Variants in GRTP1 observed in about 807,000 individuals in gnomAD.
The protein encoded by GRTP1 is growth hormone regulated TBC protein 1, also known as growth hormone-regulated TBC protein 1.
In GRTP1, 56 loss-of-function variants were observed where a neutral mutation model predicts 38.1. That is an observed-to-expected ratio of 1.47 (90% CI 1.19 to 1.84). GRTP1 has a LOEUF of 1.84. Among genes scored for constraint, GRTP1 ranks in the 40% most tolerant of loss-of-function variants. GRTP1 has a pLI of 0.00. For synonymous variants in GRTP1, 217 were observed against 189.5 expected (o/e 1.14, Z -1.19); for missense variants, 506 against 453.9 (o/e 1.11, Z -1.04).
At chr13:113,346,622 G>A (rs865912562) in intron 4 of GRTP1, among the ~76,000 whole-genome samples, 461 of 2,592 alleles carry the variant, frequency 0.18, 162 homozygotes, top group African/African-American at 0.21. Flanking sequence ...CAGTGGACCC[G>A]GGAGGACCTC....
At chr13:113,347,429 G>C (rs1453106013) in intron 4 of GRTP1, among the ~76,000 whole-genome samples, 2 of 103,040 alleles carry the variant, frequency 1.9e-5, no homozygotes, top group African/African-American at 4.6e-5. Context: ...GACCCGGGAG[G>C]ACCTCTGTGG....
Position 113,333,146 on chromosome 13 carries a change from A to G in GRTP1, c.563-7055T>C, listed in dbSNP as rs570629600. ...AGCCGGAGGGCGCTGGGGTATCCTC[A>G]TCAGGAAAGCCTGAGGCGCCGAGCT... On this transcript the variant is annotated intron_variant, in intron 5 of 7. Transcript: ENST00000375431. Among the ~76,000 whole-genome samples, 11 of 152,356 alleles carry G rather than the reference A, an allele frequency of 7.2e-5. No homozygotes were observed. The East Asian group carries it at 1.9e-3, about 27-fold the overall frequency.
At chr13:113,341,336 G>A (rs934542634) in intron 5 of GRTP1, among the ~76,000 whole-genome samples, 9 of 151,926 alleles carry the variant, frequency 5.9e-5, no homozygotes, top group African/African-American at 2.2e-4. Context: ...GTGTGATCTC[G>A]GCTTTCTGCA....
chr13:113,341,556 C>T (rs1052835574), intron 5 of GRTP1, among the ~76,000 whole-genome samples: 1 of 152,058 alleles, frequency 6.6e-6, no homozygotes, highest in Non-Finnish European at 1.5e-5. Flanking sequence ...CGTGAGCCAC[C>T]GTGCCCAGCT....
At chr13:113,361,165 AAAAAC>A (rs1456113137) in intron 2 of GRTP1, among the ~76,000 whole-genome samples, 1 of 151,340 alleles carries the variant, frequency 6.6e-6, no homozygotes, top group Non-Finnish European at 1.5e-5. Flanking sequence ...TTACTTCAAT[AAAAAC>A]AAAATGAAAT....
chr13:113,346,266 G>A (rs61966623), intron 4 of GRTP1, among the ~76,000 whole-genome samples: 2,069 of 12,072 alleles, frequency 0.17, 339 homozygotes, highest in South Asian at 0.22. Context: ...GAGCAGATCC[G>A]GGAGGACCTC....
chr13:113,342,267 A>G lies in GRTP1; in HGVS notation c.562+2596T>C, dbSNP rs1161044189. ...TTATTCTATAAAAAGTACTGTTGGG[A>G]GGCCGAGGCAGGCGGATCACGAGGT... On this transcript the variant is annotated intron_variant, in intron 5 of 7. Transcript: ENST00000375431. The surrounding 1 kb of genome is among the most constrained non-coding windows in gnomAD (Gnocchi z 4.5). 6.6e-6 allele frequency among the ~76,000 whole-genome samples: 1 copy of G among 152,052 alleles called. No individual in the cohort carries two copies. Among genetic ancestry groups the G allele is most frequent in the Non-Finnish European group, 1.5e-5 (1 of 68,008 alleles).
intron 5 of GRTP1, among the ~76,000 whole-genome samples, chr13:113,333,874 T>TGTGCGTGC (rs33972835): frequency 5.6e-4 from 76 of 135,344 alleles, no homozygotes; most frequent in African/African-American, 2.0e-3. Context: ...TGTGTGTGTG[T>TGTGCGTGC]CCGAGGCTGG....
chr13:113,352,267 T>C, intron 3 of GRTP1, among the ~76,000 whole-genome samples: 1 of 109,768 alleles, frequency 9.1e-6, no homozygotes, highest in South Asian at 2.8e-4. Context: ...TATATTTTTA[T>C]ATTTTTATAT....
In GRTP1 at chr13:113,325,919, C is replaced by T. The variant is rs1460653491; in HGVS notation, c.735G>A (p.Glu245=). Residue 245 remains glutamate, a splice_region_variant and synonymous_variant, in exon 6 of 8, where the codon GAG becomes GAA. Coordinates refer to ENST00000375431, the MANE Select transcript of GRTP1 (RefSeq NM_024719.4). Reference sequence around the variant, plus strand: ...CCCAGGGCCCGAGTGAGGCGCTCACCTCCACGGGCAAGATGTCCACAAACA... The same window carrying T: ...CCCAGGGCCCGAGTGAGGCGCTCACTTCCACGGGCAAGATGTCCACAAACA... ...ICLFVDILPV[E]TVLRIWDCLF... is the part of the protein sequence containing the mutation. 1.9e-5 allele frequency: 31 copies of T among 1,613,894 alleles called. No individual in the cohort carries two copies. Among genetic ancestry groups the T allele is most frequent in the Non-Finnish European group, 2.2e-5 (26 of 1,179,974 alleles).
Position 113,342,378 on chromosome 13 carries a change from G to C in GRTP1, c.562+2485C>G, listed in dbSNP as rs1458868762. Among the ~76,000 whole-genome samples, 6 of 151,802 alleles carry C rather than the reference G, an allele frequency of 4.0e-5. No individual in the cohort carries two copies. Among genetic ancestry groups the C allele is most frequent in the Non-Finnish European group, 8.9e-5 (6 of 67,760 alleles). ...AAAAAATTGGCCAGGCGTAGTGGCG[G>C]GCGCCTGTAGTCCCAGCTACTCGGG... On this transcript the variant is annotated intron_variant, in intron 5 of 7. Transcript: ENST00000375431. The surrounding 1 kb of genome is among the most constrained non-coding windows in gnomAD (Gnocchi z 4.5).
intron 5 of GRTP1, among the ~76,000 whole-genome samples, chr13:113,338,326 T>C (rs1289078534): frequency 6.6e-6 from 1 of 152,154 alleles, no homozygotes; most frequent in African/African-American, 2.4e-5. Flanking sequence ...TGCGTGTGGA[T>C]GGTCACAGGC....
chr13:113,362,289 C>G (rs1219096382), intron 2 of GRTP1, among the ~76,000 whole-genome samples: 1 of 152,114 alleles, frequency 6.6e-6, no homozygotes, highest in Non-Finnish European at 1.5e-5. Context: ...GAGATCGCAC[C>G]ACTGCACTCC....
intron 5 of GRTP1, among the ~76,000 whole-genome samples, chr13:113,328,275 G>A (rs1241450556): frequency 5.3e-5 from 8 of 152,196 alleles, no homozygotes; most frequent in Non-Finnish European, 8.8e-5. Flanking sequence ...TGGCCAGGAC[G>A]GGGGCACAGC....
At chr13:113,363,938 G>A (rs775417808) in intron 1 of GRTP1, 28 bp from the exon 2 acceptor site, 2 of 1,604,590 alleles carry the variant, frequency 1.2e-6, no homozygotes, top group South Asian at 2.2e-5. Flanking sequence ...GGAGGCCGGC[G>A]TCCCCGAAGT....
chr13:113,333,896 G>A (rs963289126), intron 5 of GRTP1, among the ~76,000 whole-genome samples: 5 of 148,734 alleles, frequency 3.4e-5, no homozygotes, highest in South Asian at 2.1e-4. Flanking sequence ...GTGCAGTAGC[G>A]CGATCTTGGT....
intron 3 of GRTP1, among the ~76,000 whole-genome samples, chr13:113,354,790 G>A (rs2043351021): frequency 6.6e-6 from 1 of 152,138 alleles, no homozygotes; most frequent in Admixed American, 6.5e-5. Context: ...GCCTCTCAAA[G>A]TGCTGGGATT....
chr13:113,339,900 A>G (rs1011946402), intron 5 of GRTP1: 2 of 152,228 alleles, frequency 1.3e-5, no homozygotes, highest in Non-Finnish European at 2.9e-5. Flanking sequence ...ATAATTAACA[A>G]TTACATACTT....
intron 2 of GRTP1, among the ~76,000 whole-genome samples, chr13:113,363,381 A>G (rs2043534847): frequency 6.6e-6 from 1 of 151,838 alleles, no homozygotes; most frequent in African/African-American, 2.4e-5. Flanking sequence ...CTAATTTTGT[A>G]TTTTTAGTAG....
Sources: allele counts gnomAD v4.1 joint callset (sites outside exome capture counted in the v4.1 genomes callset), GRCh38; gene constraint gnomAD v4.1.1; non-coding constraint Gnocchi (gnomAD v3.1); transcripts MANE v1.5; gene names NCBI Gene and HGNC (gene_info 2026-07-23, HGNC 2026-07-21).